PRKCE: variants seen among roughly 807,000 people sequenced by gnomAD.
PRKCE encodes the protein protein kinase C epsilon type.
Under a neutral mutation model 85.4 loss-of-function variants are expected in PRKCE, and 16 were observed. That is an observed-to-expected ratio of 0.19 (90% CI 0.13 to 0.28). The LOEUF (loss-of-function observed/expected upper bound fraction) is 0.28. Among genes scored for constraint, PRKCE ranks in the 10% least tolerant of loss-of-function variants. PRKCE has a pLI of 1.00. For synonymous variants in PRKCE, 388 were observed against 371.5 expected, an observed-to-expected ratio of 1.04 and a Z score of -0.51; for missense variants, 573 against 975.2, an observed-to-expected ratio of 0.59 and a Z score of 5.49.
rs1029588947 is a variant in PRKCE, at chr2:46,009,539, C to T, written c.1264-805C>T. ...GAAACTACTCAGTATTGGTAAGTCA[C>T]CATGAAACTCCAACACTTCTACATT... On this transcript the variant is annotated intron_variant, in intron 9 of 14. Transcript: ENST00000306156. Among the ~76,000 whole-genome samples, 3 of 152,318 alleles carry T rather than the reference C, an allele frequency of 2.0e-5. No homozygotes were observed. In the South Asian group the frequency reaches 6.2e-4, roughly 32 times the overall value.
At chr2:46,005,473 C>T (rs949637778) in intron 8 of PRKCE, among the ~76,000 whole-genome samples, 2 of 152,130 alleles carry the variant, frequency 1.3e-5, no homozygotes, top group East Asian at 1.9e-4. Context: ...ATTTTATGCC[C>T]ATACCCACTC....
At chr2:46,112,459 T>G (rs940509778) in intron 11 of PRKCE, among the ~76,000 whole-genome samples, 3 of 151,816 alleles carry the variant, frequency 2.0e-5, no homozygotes, top group African/African-American at 7.2e-5. Flanking sequence ...TGGGTTAATA[T>G]CTACTCTCTT....
chr2:46,074,429 C>CAAAAAA (rs11287357), intron 10 of PRKCE, among the ~76,000 whole-genome samples: 19 of 93,850 alleles, frequency 2.0e-4, no homozygotes, highest in East Asian at 8.4e-4. Context: ...CAACAACAAC[C>CAAAAAA]AAAAAAAAAA....
At chr2:45,713,664 T>C (rs1241993647) in intron 1 of PRKCE, among the ~76,000 whole-genome samples, 4 of 152,164 alleles carry the variant, frequency 2.6e-5, no homozygotes, top group Non-Finnish European at 5.9e-5. Flanking sequence ...TAATAATGAA[T>C]GTGATGGGCC....
intron 10 of PRKCE, 30 bp from the exon 11 acceptor site, chr2:46,086,178 C>T (rs1459433473): frequency 6.3e-7 from 1 of 1,596,892 alleles, no homozygotes; most frequent in Non-Finnish European, 8.5e-7. Flanking sequence ...AATCAAATGA[C>T]CCAAATGGCA....
intron 2 of PRKCE, among the ~76,000 whole-genome samples, chr2:45,974,872 A>G (rs1702340919): frequency 6.6e-6 from 1 of 152,074 alleles, no homozygotes; most frequent in South Asian, 2.1e-4. Context: ...GGGACCTTCT[A>G]GGAGACCTTC....
chr2:45,865,881 A>C (rs536365395), intron 2 of PRKCE, among the ~76,000 whole-genome samples: 4 of 148,928 alleles, frequency 2.7e-5, no homozygotes, highest in South Asian at 4.2e-4. Flanking sequence ...GCAGTGATAC[A>C]ATTAAAATTC....
At chr2:45,695,766 G>A (rs959226544) in intron 1 of PRKCE, among the ~76,000 whole-genome samples, 3 of 152,270 alleles carry the variant, frequency 2.0e-5, no homozygotes, top group Middle Eastern at 6.8e-3. Context: ...GTGAGACTCC[G>A]TCTCAAAAAC....
intron 2 of PRKCE, among the ~76,000 whole-genome samples, chr2:45,887,089 T>G (rs1442101299): frequency 6.6e-6 from 1 of 152,222 alleles, no homozygotes; most frequent in Non-Finnish European, 1.5e-5. Context: ...TTACATGGTG[T>G]CTATCTGTAA....
At chr2:46,023,489 A>T (rs1243172791) in intron 10 of PRKCE, among the ~76,000 whole-genome samples, 2 of 152,222 alleles carry the variant, frequency 1.3e-5, no homozygotes, top group Non-Finnish European at 2.9e-5. Context: ...TTTCTTAATT[A>T]TATAACCTGT....
intron 11 of PRKCE, among the ~76,000 whole-genome samples, chr2:46,091,627 T>A (rs1170889554): frequency 6.6e-6 from 1 of 152,234 alleles, no homozygotes; most frequent in Non-Finnish European, 1.5e-5. Context: ...TCTGCCTGCA[T>A]CCTCATCAAT....
chr2:45,653,378 T>TTG (rs1675227344), intron 1 of PRKCE, among the ~76,000 whole-genome samples: 1 of 133,048 alleles, frequency 7.5e-6, no homozygotes, highest in Non-Finnish European at 1.5e-5. Context: ...TTGTTTTTTT[T>TTG]TTTTTTTTTT....
intron 1 of PRKCE, among the ~76,000 whole-genome samples, chr2:45,797,336 C>T (rs1687518627): frequency 6.6e-6 from 1 of 152,154 alleles, no homozygotes; most frequent in African/African-American, 2.4e-5. Context: ...ATGTCCTTGT[C>T]CTTACTAGGG....
chr2:45,715,108 G>A (rs1345253200), intron 1 of PRKCE, among the ~76,000 whole-genome samples: 1 of 152,252 alleles, frequency 6.6e-6, no homozygotes, highest in Non-Finnish European at 1.5e-5. Flanking sequence ...TCGGAGCTGT[G>A]GGTTGAATGC....
chr2:45,747,220 T>C (rs1683212891), intron 1 of PRKCE, among the ~76,000 whole-genome samples: 1 of 152,356 alleles, frequency 6.6e-6, no homozygotes, highest in Non-Finnish European at 1.5e-5. Flanking sequence ...ACATGACACA[T>C]GGCATAAAAT....
intron 2 of PRKCE, among the ~76,000 whole-genome samples, chr2:45,933,656 T>G (rs1175179810): frequency 6.6e-6 from 1 of 151,876 alleles, no homozygotes; most frequent in Non-Finnish European, 1.5e-5. Flanking sequence ...TTTTGTGTTT[T>G]TAGTGGAGAC....
At chr2:46,027,369 C>G (rs543027654) in intron 10 of PRKCE, among the ~76,000 whole-genome samples, 37 of 151,984 alleles carry the variant, frequency 2.4e-4, no homozygotes, top group African/African-American at 8.7e-4. Context: ...AAAACAAGAT[C>G]ATGATTACCA....
At chr2:45,826,273 AT>A (rs1212597701) in intron 1 of PRKCE, among the ~76,000 whole-genome samples, 1 of 152,200 alleles carries the variant, frequency 6.6e-6, no homozygotes, top group Admixed American at 6.5e-5. Flanking sequence ...GAAATAAAGC[AT>A]TTGGGGGAAT....
chr2:46,135,304 T>C (rs1209237898), intron 11 of PRKCE, among the ~76,000 whole-genome samples: 1 of 152,206 alleles, frequency 6.6e-6, no homozygotes, highest in Non-Finnish European at 1.5e-5. Flanking sequence ...AGGGCGGGCG[T>C]GTGGACACGA....
Sources: gnomAD v4.1 joint callset for allele counts (sites outside exome capture counted in the v4.1 genomes callset) on GRCh38, gnomAD v4.1.1 for gene constraint, MANE v1.5 for transcripts, NCBI Gene and HGNC (gene_info 2026-07-23, HGNC 2026-07-21) for gene names.